CCDC169: variants seen among roughly 807,000 people sequenced by gnomAD.
The protein encoded by CCDC169 is coiled-coil domain-containing protein 169.
Under a neutral mutation model 36.0 loss-of-function variants are expected in CCDC169, and 30 were observed. The observed-to-expected ratio is 0.83, with a 90% CI of 0.62 to 1.13. CCDC169 has a LOEUF of 1.13. CCDC169 is among the 50% of genes most tolerant of loss of function. The pLI is 0.00. For missense variants in CCDC169, 245 were observed against 245.9 expected, an observed-to-expected ratio of 1.00 and a Z score of 0.03; for synonymous variants, 85 against 81.5, an observed-to-expected ratio of 1.04 and a Z score of -0.23.
intron 2 of CCDC169, among the ~76,000 whole-genome samples, chr13:36,291,569 T>A (rs931827373): frequency 6.6e-6 from 1 of 152,304 alleles, no homozygotes; most frequent in East Asian, 1.9e-4. Flanking sequence ...TATTTTCTAA[T>A]TCTTTATTAA....
chr13:36,228,344 T>C (rs1027529237), downstream of CCDC169, among the ~76,000 whole-genome samples: 3 of 152,194 alleles, frequency 2.0e-5, no homozygotes, highest in Non-Finnish European at 2.9e-5. Context: ...TTTTTTATTA[T>C]GGCAATATTT....
chr13:36,240,653 T>C (rs1304678109), intron 7 of CCDC169: 1 of 1,283,272 alleles, frequency 7.8e-7, no homozygotes, highest in South Asian at 1.2e-5. Flanking sequence ...TTAGGGCTTT[T>C]AGTCACTTTA....
intron 4 of CCDC169, among the ~76,000 whole-genome samples, chr13:36,256,366 T>A (rs1873889069): frequency 6.6e-6 from 1 of 152,098 alleles, no homozygotes; most frequent in African/African-American, 2.4e-5. Flanking sequence ...TCAGGAAACT[T>A]ATAATCATGG....
chr13:36,274,232 A>T (rs1744387368), intron 4 of CCDC169: 1 of 152,234 alleles, frequency 6.6e-6, no homozygotes, highest in Non-Finnish European at 1.5e-5. Flanking sequence ...CAAAAACGAC[A>T]GCAATCATGA....
chr13:36,225,208 A>AC (rs1490817839), downstream of CCDC169: 1 of 51,032 alleles, frequency 2.0e-5, no homozygotes, highest in Non-Finnish European at 4.0e-5. Flanking sequence ...CCTAGGAAAC[A>AC]CTTTTTTTTT....
intron 4 of CCDC169, among the ~76,000 whole-genome samples, chr13:36,277,806 G>A (rs778814367): frequency 1.3e-5 from 2 of 151,984 alleles, no homozygotes; most frequent in Non-Finnish European, 2.9e-5. Context: ...TTGGCTGAGC[G>A]TGGTGGCAGG....
chr13:36,264,649 A>G (rs750930843), intron 4 of CCDC169, among the ~76,000 whole-genome samples: 7 of 152,158 alleles, frequency 4.6e-5, no homozygotes, highest in Non-Finnish European at 8.8e-5. Context: ...GAGGCTTAAA[A>G]ATTTTTAATA....
chr13:36,223,273 GCAAT>G (rs1333857875), downstream of CCDC169: 3 of 152,168 alleles, frequency 2.0e-5, no homozygotes, highest in Non-Finnish European at 4.4e-5. Flanking sequence ...CACACTGACA[GCAAT>G]CAAATACACA....
intron 2 of CCDC169, among the ~76,000 whole-genome samples, chr13:36,289,438 A>G (rs1031813673): frequency 1.2e-4 from 18 of 152,354 alleles, no homozygotes; most frequent in African/African-American, 3.6e-4. Context: ...AAATTTTTCA[A>G]TGTAATCAAG....
chr13:36,280,761 C>G (rs1877408895), intron 4 of CCDC169: 1 of 151,988 alleles, frequency 6.6e-6, no homozygotes, highest in South Asian at 2.1e-4. Flanking sequence ...TTTTATTTTC[C>G]AAATAATATC....
chr13:36,286,020 C>T (rs1292821260), intron 2 of CCDC169, among the ~76,000 whole-genome samples: 1 of 152,198 alleles, frequency 6.6e-6, no homozygotes, highest in Non-Finnish European at 1.5e-5. Context: ...GCAATCAGCA[C>T]TTACAATTGC....
At chr13:36,283,871 T>C (rs1877846363) in intron 2 of CCDC169, among the ~76,000 whole-genome samples, 169 bp from the exon 3 acceptor site, 1 of 152,142 alleles carries the variant, frequency 6.6e-6, no homozygotes, top group African/African-American at 2.4e-5. Flanking sequence ...TTAGTAAGAT[T>C]TTCCAGACTG....
downstream of CCDC169, chr13:36,226,268 G>T (rs1232011123): frequency 6.6e-6 from 1 of 152,188 alleles, no homozygotes; most frequent in African/African-American, 2.4e-5. Flanking sequence ...CCAAGGGCTG[G>T]TTTCATGGAA....
At chr13:36,232,997 A>G (rs908251425) in intron 7 of CCDC169, among the ~76,000 whole-genome samples, 3 of 152,334 alleles carry the variant, frequency 2.0e-5, no homozygotes. Context: ...GTGCATACTC[A>G]GGAAAGGCCT....
chr13:36,238,653 C>T (rs1871374207), intron 7 of CCDC169, among the ~76,000 whole-genome samples: 1 of 152,020 alleles, frequency 6.6e-6, no homozygotes, highest in Non-Finnish European at 1.5e-5. Context: ...TTTTCTATTA[C>T]ACTAAGGATG....
At chr13:36,279,512 G>A (rs1358534443) in intron 4 of CCDC169, among the ~76,000 whole-genome samples, 1 of 152,062 alleles carries the variant, frequency 6.6e-6, no homozygotes, top group Non-Finnish European at 1.5e-5. Flanking sequence ...TGAAGCAGTG[G>A]TTCTCAAACT....
intron 2 of CCDC169, 59 bp downstream of exon 2, chr13:36,295,719 C>T: frequency 1.1e-6 from 1 of 870,950 alleles, no homozygotes; most frequent in Non-Finnish European, 1.8e-6. Flanking sequence ...CCATAGATAT[C>T]CTGGTAAAAT....
chr13:36,289,635 C>A (rs1444276973), intron 2 of CCDC169, among the ~76,000 whole-genome samples: 1 of 152,294 alleles, frequency 6.6e-6, no homozygotes, highest in East Asian at 1.9e-4. Flanking sequence ...TTTCTGGTAA[C>A]TGGCGTAAGA....
Position 36,283,466 on chromosome 13 carries a change from C to T in CCDC169, c.315+3G>A. On this transcript the variant is annotated splice_donor_region_variant and intron_variant, in intron 4 of 7. Transcript: ENST00000239859. ...CTTTGTGTTTAATCACATTTCTACT[C>T]ACCACTGGCATTCGTTCATAGACAC... The T allele has an allele frequency of 6.5e-7, 1 of 1,547,876 alleles. No homozygotes were observed. The highest frequency in any genetic ancestry group is 8.7e-7 in the Non-Finnish European group (1 of 1,144,150).
Sources: gnomAD v4.1 joint callset for allele counts (sites outside exome capture counted in the v4.1 genomes callset) on GRCh38, gnomAD v4.1.1 for gene constraint, MANE v1.5 for transcripts, NCBI Gene and HGNC (gene_info 2026-07-23, HGNC 2026-07-21) for gene names.